Variants in RRN3 observed in about 807,000 individuals in gnomAD.
RRN3 encodes the protein RNA polymerase I-specific transcription initiation factor RRN3.
A neutral mutation model predicts 82.3 loss-of-function variants in RRN3; 38 were observed. The ratio of observed to expected loss-of-function variants is 0.46; its 90% confidence interval spans 0.36 to 0.61. RRN3 has a LOEUF of 0.61. RRN3 is among the 20% of genes least tolerant of loss of function. The probability of loss-of-function intolerance (pLI) is 0.00; values close to 1 mark genes in which losing one functional copy is unlikely to be tolerated. For synonymous variants in RRN3, 284 were observed against 284.3 expected (o/e 1.00, Z 0.01); for missense variants, 726 against 793.1 (o/e 0.92, Z 1.02).
At chr16:15,089,891 C>T (rs1244034442) in intron 3 of RRN3, among the ~76,000 whole-genome samples, 1 of 146,808 alleles carries the variant, frequency 6.8e-6, no homozygotes, top group African/African-American at 2.5e-5. Context: ...TCGGCTGATA[C>T]AAGGAATACA....
rs753372806 is a variant in RRN3 at position 15,061,780 on chromosome 16, G to T, written c.1920C>A (p.Ser640=). 2 of 1,613,896 alleles carry T rather than the reference G, an allele frequency of 1.2e-6. No individual in the cohort carries two copies. Among genetic ancestry groups the T allele is most frequent in the African/African-American group, 2.7e-5 (2 of 74,938 alleles). ...TGGGTTGCATGTACAACACGGGTGG[G>T]GAGCCCACACTACTTGAAGGACTTC... ...HFRSPSSSVG[S]PPVLYMQPSP... is the part of the protein sequence containing the mutation. Residue 640 remains serine (S), a synonymous_variant, in exon 18 of 18, where the codon TCC becomes TCA. Coordinates refer to ENST00000198767, the MANE Select transcript of RRN3 (RefSeq NM_018427.5).
At position 15,060,382 on chromosome 16, in the gene RRN3, T is replaced by G. The variant is rs1265797728; in HGVS notation, c.*1362A>C. On this transcript the variant is annotated 3_prime_UTR_variant, in exon 18 of 18. Coordinates refer to ENST00000198767, the MANE Select transcript of RRN3 (RefSeq NM_018427.5). ...TAAAAATTTCTATTTTCCAAAAAAG[T>G]ATTTACAGACTGAAATTCAAACTCT... The G allele has an allele frequency of 1.0e-5, 2 of 194,410 alleles. No homozygotes were observed. The highest frequency in any genetic ancestry group is 2.3e-3 in the Middle Eastern group (1 of 428). 12.0% of individuals were successfully genotyped at this position (194,410 alleles called of 1,614,324 possible).
chr16:15,091,293 G>A lies in RRN3; in HGVS notation c.252+22C>T, dbSNP rs562670338. The A allele has an allele frequency of 2.9e-5, 47 of 1,603,326 alleles. No homozygotes were observed. The East Asian group carries it at 9.6e-4, about 33-fold the overall frequency. ...ATACAGTGGCAATAATTTTGCTAAT[G>A]ATCAAACACAAAATTAATTACCTTT... On this transcript the variant is annotated intron_variant, in intron 3 of 17. Coordinates refer to ENST00000198767, the MANE Select transcript of RRN3 (RefSeq NM_018427.5).
At chr16:15,063,524 C>T (rs1365033391) in intron 16 of RRN3, among the ~76,000 whole-genome samples, 3 of 151,726 alleles carry the variant, frequency 2.0e-5, no homozygotes, top group Non-Finnish European at 2.9e-5. Context: ...CTGGCTAACA[C>T]GGTGAAACCC....
At chr16:15,077,185 G>C (rs1419209563) in intron 9 of RRN3, among the ~76,000 whole-genome samples, 2 of 151,782 alleles carry the variant, frequency 1.3e-5, no homozygotes, top group African/African-American at 4.8e-5. Context: ...CTCCATGTTA[G>C]TCAGGCTGGT....
chr16:15,076,736 G>A (rs944306568), intron 9 of RRN3, 86 bp from the exon 10 acceptor site: 11 of 911,330 alleles, frequency 1.2e-5, no homozygotes, highest in East Asian at 7.8e-5. Context: ...TCTGATATAC[G>A]CATGTTCAAG....
chr16:15,079,213 C>T (rs886737735), intron 9 of RRN3, among the ~76,000 whole-genome samples: 3 of 152,174 alleles, frequency 2.0e-5, no homozygotes, highest in East Asian at 1.9e-4. Context: ...CTCCCCTCCT[C>T]CAAACCAGTC....
chr16:15,081,701 T>C (rs2045710209), intron 8 of RRN3, among the ~76,000 whole-genome samples: 1 of 152,252 alleles, frequency 6.6e-6, no homozygotes, highest in Admixed American at 6.5e-5. Flanking sequence ...ATGCATTTTT[T>C]TCTTTGGTTG....
Position 15,086,147 on chromosome 16 carries a change from C to G in RRN3, c.454G>C (p.Ala152Pro). 6.2e-7 allele frequency: 1 copy of G among 1,600,630 alleles called. No homozygotes were observed. The highest frequency in any genetic ancestry group is 8.5e-7 in the Non-Finnish European group (1 of 1,175,676). ...VFLRPCLSMI[A>P]SHFVPPRVII... Reference sequence around the variant, plus strand: ...GACTTACGAGGCACAAAATGGGAAGCAATCATGCTGAGACACGGTCTGAGG... The same window carrying G: ...GACTTACGAGGCACAAAATGGGAAGGAATCATGCTGAGACACGGTCTGAGG... Residue 152 changes from alanine (A) to proline (P), a missense_variant, in exon 5 of 18, where the codon GCT becomes CCT. Transcript: ENST00000198767.
chr16:15,089,250 C>T (rs1170760078), intron 3 of RRN3, among the ~76,000 whole-genome samples: 1 of 152,030 alleles, frequency 6.6e-6, no homozygotes. Context: ...AAGATCATCC[C>T]ACTACACTAC....
At chr16:15,075,384 G>T (rs1389535731) in intron 10 of RRN3, among the ~76,000 whole-genome samples, 1 of 152,058 alleles carries the variant, frequency 6.6e-6, no homozygotes, top group African/African-American at 2.4e-5. Context: ...ACCAGCCTGG[G>T]CAACACAGTG....
At position 15,092,609 on chromosome 16, in the gene RRN3, G is replaced by A. The variant is rs2046181495; in HGVS notation, c.95C>T (p.Ser32Leu). 3 of 1,593,358 alleles carry A rather than the reference G, an allele frequency of 1.9e-6. No homozygotes were observed. The African/African-American group carries it at 4.0e-5, about 21-fold the overall frequency. Residue 32 changes from serine (S) to leucine (L), a missense_variant, in exon 2 of 18, where the codon TCA becomes TTA. Coordinates refer to ENST00000198767, the MANE Select transcript of RRN3 (RefSeq NM_018427.5). ...GTCATTCTCTAATGCACGCATATTT[G>A]AAATCCTGTGGAACCAAGATTAACA... ...KKLGASRTGI[S>L]NMRALENDFF...
In RRN3 at chr16:15,060,265, G is replaced by A; in HGVS notation, c.*1479C>T. ...TCTAATATTAAAAAATCAACATTTTGCCAGCAGTTAAAAAGACAACCTTAA... is the reference window on the plus strand; with the variant it reads ...TCTAATATTAAAAAATCAACATTTTACCAGCAGTTAAAAAGACAACCTTAA... On this transcript the variant is annotated 3_prime_UTR_variant, in exon 18 of 18. Coordinates refer to ENST00000198767, the MANE Select transcript of RRN3 (RefSeq NM_018427.5). The A allele has an allele frequency of 3.1e-6, 1 of 324,872 alleles. No homozygotes were observed. The highest frequency in any genetic ancestry group is 6.1e-6 in the Non-Finnish European group (1 of 164,072). The allele number at this position is 324,872 out of a possible 1,614,324, so 20.1% of individuals were successfully genotyped here.
chr16:15,094,323 C>A (rs1219642470), upstream of RRN3: 4 of 1,238,740 alleles, frequency 3.2e-6, no homozygotes, highest in Admixed American at 2.2e-5. Context: ...CGCGTGCCAG[C>A]GCAACCTTCA....
intron 7 of RRN3, chr16:15,083,892 T>G (rs796921867): frequency 6.9e-6 from 2 of 287,878 alleles, no homozygotes; most frequent in South Asian, 6.8e-5. Flanking sequence ...AATTTTGTAT[T>G]TTTAGTAGAG....
rs995911504 is a variant in RRN3 at position 15,075,846 on chromosome 16, G to C, written c.858+712C>G. ...TCGGGATATCCACCTCCCCACTGCT[G>C]TGAGTACTGGCGGCCAATAGCTCAC... On this transcript the variant is annotated intron_variant, in intron 10 of 17. Transcript: ENST00000198767. 7.2e-5 allele frequency among the ~76,000 whole-genome samples: 11 copies of C among 152,256 alleles called. No homozygotes were observed. In the East Asian group the frequency reaches 1.9e-3, roughly 27 times the overall value.
intron 15 of RRN3, among the ~76,000 whole-genome samples, 186 bp from the exon 16 acceptor site, chr16:15,065,557 T>C (rs2044933884): frequency 6.6e-6 from 1 of 152,058 alleles, no homozygotes; most frequent in Admixed American, 6.6e-5. Flanking sequence ...GGTCTTCTAT[T>C]TGCAAGTTTG....
intron 17 of RRN3, among the ~76,000 whole-genome samples, chr16:15,062,735 G>A (rs1198824573): frequency 6.6e-6 from 1 of 152,174 alleles, no homozygotes; most frequent in Non-Finnish European, 1.5e-5. Context: ...ATTAACCTTC[G>A]CTTCTCACAT....
At chr16:15,071,047 T>C (rs1383300241) in intron 13 of RRN3, 74 bp downstream of exon 13, 31 of 1,340,992 alleles carry the variant, frequency 2.3e-5, no homozygotes, top group Non-Finnish European at 3.1e-6. Flanking sequence ...TGGGAGATAT[T>C]TCTGACTTGA....
Sources: gnomAD v4.1 joint callset for allele counts (sites outside exome capture counted in the v4.1 genomes callset) on GRCh38, gnomAD v4.1.1 for gene constraint, MANE v1.5 for transcripts, NCBI Gene and HGNC (gene_info 2026-07-23, HGNC 2026-07-21) for gene names.